Variants in KCNN2 observed in about 807,000 individuals in gnomAD.
The protein encoded by KCNN2 is small conductance calcium-activated potassium channel protein 2.
KCNN2 carries 24 observed loss-of-function variants against 55.5 expected under a neutral mutation model. The ratio of observed to expected loss-of-function variants is 0.43; its 90% CI spans 0.31 to 0.61. The LOEUF (loss-of-function observed/expected upper bound fraction) is 0.61. KCNN2 is among the 20% of genes least tolerant of loss of function. The pLI is 0.08. For synonymous variants in KCNN2, 431 were observed against 336.1 expected, an observed-to-expected ratio of 1.28 and a Z score of -3.09; for missense variants, 754 against 853.6, an observed-to-expected ratio of 0.88 and a Z score of 1.45.
chr5:114,136,386 T>G (rs1219816648), intron 1 of KCNN2, among the ~76,000 whole-genome samples: 1 of 152,214 alleles, frequency 6.6e-6, no homozygotes, highest in East Asian at 1.9e-4. Flanking sequence ...TGCCAGATGC[T>G]TGTGCTGTGC....
chr5:114,480,382 C>T (rs955674467), intron 5 of KCNN2, among the ~76,000 whole-genome samples: 10 of 151,894 alleles, frequency 6.6e-5, no homozygotes, highest in African/African-American at 2.4e-4. Context: ...GCCTACCAAC[C>T]AAAAACCCAG....
At chr5:114,421,382 T>C (rs1759466473) in intron 3 of KCNN2, among the ~76,000 whole-genome samples, 1 of 151,998 alleles carries the variant, frequency 6.6e-6, no homozygotes, top group Admixed American at 6.6e-5. Context: ...CCACCACCTC[T>C]TGGGTTCAAG....
chr5:114,100,628 A>G (rs967570676), intron 1 of KCNN2, among the ~76,000 whole-genome samples: 3 of 152,088 alleles, frequency 2.0e-5, no homozygotes, highest in African/African-American at 7.2e-5. Flanking sequence ...TGCCCATCTT[A>G]AGGGCCAAGA....
chr5:114,370,876 G>T (rs560698551), intron 2 of KCNN2, among the ~76,000 whole-genome samples: 4 of 152,266 alleles, frequency 2.6e-5, no homozygotes, highest in South Asian at 2.1e-4. Flanking sequence ...AGCAGGCAAG[G>T]CTCATGATCC....
chr5:114,435,102 C>T (rs1561382054), intron 3 of KCNN2, among the ~76,000 whole-genome samples: 2 of 152,108 alleles, frequency 1.3e-5, no homozygotes, highest in Admixed American at 1.3e-4. Context: ...ACTCTCTACC[C>T]GTCACTCCCC....
At chr5:114,487,276 AT>A in intron 6 of KCNN2, 99 bp downstream of exon 6, 1 of 1,096,892 alleles carries the variant, frequency 9.1e-7, no homozygotes, top group Non-Finnish European at 1.3e-6. Flanking sequence ...AAAAGAAAAC[AT>A]TGTCATGTTT....
intron 2 of KCNN2, among the ~76,000 whole-genome samples, chr5:114,235,980 G>T (rs2112609285): frequency 6.6e-6 from 1 of 152,334 alleles, no homozygotes; most frequent in South Asian, 2.1e-4. Context: ...GCAGCGATCA[G>T]TGAGAAGCAT....
intron 1 of KCNN2, among the ~76,000 whole-genome samples, chr5:114,172,476 A>G (rs1306794709): frequency 6.6e-6 from 1 of 151,624 alleles, no homozygotes; most frequent in East Asian, 1.9e-4. Flanking sequence ...AGTTCTTAAC[A>G]ATTAGAGAAT....
chr5:114,297,125 G>T (rs969692000), intron 2 of KCNN2, among the ~76,000 whole-genome samples: 2 of 152,064 alleles, frequency 1.3e-5, no homozygotes, highest in Non-Finnish European at 2.9e-5. Flanking sequence ...GAATATTCAG[G>T]TATTAATTTT....
At chr5:114,143,163 A>G (rs1375216891) in intron 1 of KCNN2, among the ~76,000 whole-genome samples, 4 of 152,198 alleles carry the variant, frequency 2.6e-5, no homozygotes, top group South Asian at 4.1e-4. Flanking sequence ...GTAGATTAGT[A>G]AGAAATTTAG....
intron 3 of KCNN2, among the ~76,000 whole-genome samples, chr5:114,421,870 A>G (rs1443344987): frequency 1.3e-5 from 2 of 152,202 alleles, no homozygotes; most frequent in African/African-American, 4.8e-5. Context: ...TCGGCCTCCC[A>G]AAGTGTTTAC....
chr5:114,270,290 C>T (rs1019555265), intron 2 of KCNN2, among the ~76,000 whole-genome samples: 1 of 152,206 alleles, frequency 6.6e-6, no homozygotes, highest in East Asian at 1.9e-4. Flanking sequence ...ATTGAAAATA[C>T]GGGTAACAAT....
intron 1 of KCNN2, among the ~76,000 whole-genome samples, chr5:114,202,431 T>C (rs983956954): frequency 3.3e-5 from 5 of 151,722 alleles, no homozygotes; most frequent in Non-Finnish European, 5.9e-5. Context: ...TTTCATGATA[T>C]TCAGTTTTAA....
intron 4 of KCNN2, among the ~76,000 whole-genome samples, chr5:114,472,557 A>C (rs1761795178): frequency 6.6e-6 from 1 of 152,174 alleles, no homozygotes; most frequent in Non-Finnish European, 1.5e-5. Flanking sequence ...ACACTGAAGC[A>C]GTGTATATGC....
At chr5:114,088,247 T>C (rs1444389569) in intron 1 of KCNN2, among the ~76,000 whole-genome samples, 2 of 152,198 alleles carry the variant, frequency 1.3e-5, no homozygotes, top group African/African-American at 4.8e-5. Flanking sequence ...CTGTGATTCT[T>C]ATCTTTGGTC....
At chr5:114,462,278 C>T (rs529818457) in intron 3 of KCNN2, among the ~76,000 whole-genome samples, 105 of 152,350 alleles carry the variant, frequency 6.9e-4, no homozygotes, top group Admixed American at 2.7e-3. Context: ...TAAAAGCTTT[C>T]TTCCTTACCA....
chr5:114,389,703 G>T (rs185404902), intron 2 of KCNN2, among the ~76,000 whole-genome samples: 43 of 152,210 alleles, frequency 2.8e-4, no homozygotes, highest in East Asian at 1.2e-3. Context: ...CTTGGAAAAA[G>T]ACTAAACTAG....
At chr5:114,225,627 T>C (rs753552124) in intron 2 of KCNN2, among the ~76,000 whole-genome samples, 7 of 151,418 alleles carry the variant, frequency 4.6e-5, no homozygotes, top group Non-Finnish European at 8.8e-5. Flanking sequence ...AGTCTAAGCA[T>C]AAAAAGGCAA....
At chr5:114,115,630 C>T (rs1312818600) in intron 1 of KCNN2, among the ~76,000 whole-genome samples, 10 of 151,956 alleles carry the variant, frequency 6.6e-5, no homozygotes, top group Non-Finnish European at 1.5e-5. Flanking sequence ...TCCTGGTAAG[C>T]TCTCTGCACT....
Sources: allele counts gnomAD v4.1 joint callset (sites outside exome capture counted in the v4.1 genomes callset), GRCh38; gene constraint gnomAD v4.1.1; transcripts MANE v1.5; gene names NCBI Gene and HGNC (gene_info 2026-07-23, HGNC 2026-07-21).